Variants in CDH6 observed in about 807,000 individuals in gnomAD.
CDH6 encodes cadherin-6.
Under a neutral mutation model 78.0 loss-of-function variants are expected in CDH6, and 31 were observed. The ratio of observed to expected loss-of-function variants is 0.40; its 90% CI spans 0.30 to 0.54. The LOEUF is 0.54. Among genes scored for constraint, CDH6 ranks in the 20% least tolerant of loss-of-function variants. The pLI, the probability that CDH6 is intolerant of heterozygous loss-of-function variation, is 0.56. For synonymous variants in CDH6, 376 were observed against 368.8 expected (o/e 1.02, Z -0.23); for missense variants, 724 against 975.9 (o/e 0.74, Z 3.44).
At chr5:31,202,318 A>G (rs1740375147) in intron 1 of CDH6, among the ~76,000 whole-genome samples, 1 of 152,202 alleles carries the variant, frequency 6.6e-6, no homozygotes, top group South Asian at 2.1e-4. Flanking sequence ...AGAGAGTCTC[A>G]TTAATCTACT....
chr5:31,241,854 G>C (rs990359103), intron 1 of CDH6, among the ~76,000 whole-genome samples: 14 of 152,230 alleles, frequency 9.2e-5, no homozygotes, highest in African/African-American at 3.4e-4. Context: ...AAGGAAAAAG[G>C]AAATGTGTTT....
At chr5:31,305,513 T>A (rs1035408900) in intron 7 of CDH6, 86 bp downstream of exon 7, 74 of 1,360,936 alleles carry the variant, frequency 5.4e-5, no homozygotes, top group Admixed American at 1.3e-4. Context: ...AAAAGATGAA[T>A]CCCTTTTGTT....
intron 2 of CDH6, among the ~76,000 whole-genome samples, chr5:31,292,852 C>CATATATATATATATAT (rs140377309): frequency 5.2e-3 from 46 of 8,786 alleles, no homozygotes; most frequent in African/African-American, 8.0e-3. Context: ...TATATGTGTG[C>CATATATATATATATAT]ATATATATAT....
Position 31,280,589 on chromosome 5 carries a change from T to C in CDH6, c.228+12888T>C, listed in dbSNP as rs538056655. 3.3e-5 allele frequency among the ~76,000 whole-genome samples: 5 copies of C among 152,196 alleles called. No individual in the cohort carries two copies. In the South Asian group the frequency reaches 1.0e-3, roughly 32 times the overall value. On this transcript the variant is annotated intron_variant, in intron 2 of 11. Transcript: ENST00000265071. ...ATTAAGTTATTAAAGTAGCAGAGAG[T>C]ATTTCAGATACGGTGGGCAAATGAA...
intron 4 of CDH6, 37 bp from the exon 5 acceptor site, chr5:31,299,427 A>T: frequency 6.5e-7 from 1 of 1,530,254 alleles, no homozygotes; most frequent in Non-Finnish European, 9.0e-7. Context: ...AGTATTCTTA[A>T]TGCATCCCTT....
At chr5:31,279,525 A>G (rs1407601888) in intron 2 of CDH6, among the ~76,000 whole-genome samples, 1 of 152,154 alleles carries the variant, frequency 6.6e-6, no homozygotes, top group Non-Finnish European at 1.5e-5. Context: ...GAGCAAGATC[A>G]TGCCACTGCA....
At chr5:31,204,918 A>G (rs1740472273) in intron 1 of CDH6, among the ~76,000 whole-genome samples, 1 of 152,210 alleles carries the variant, frequency 6.6e-6, no homozygotes, top group African/African-American at 2.4e-5. Flanking sequence ...GTTTTACCTG[A>G]TTGACAAGTG....
rs1034920755 is a variant in CDH6, at chr5:31,326,220, T to C, written c.*2912T>C. 4.5e-6 allele frequency: 1 copy of C among 223,808 alleles called. No homozygotes were observed. The highest frequency in any genetic ancestry group is 8.9e-6 in the Non-Finnish European group (1 of 112,304). 13.9% of individuals were successfully genotyped at this position (223,808 alleles called of 1,614,324 possible). A position where few individuals can be genotyped will look rare whatever the true frequency, so the allele number is the denominator to read the frequency against. On this transcript the variant is annotated 3_prime_UTR_variant, in exon 12 of 12. Transcript: ENST00000265071. The stretch of plus-strand genomic sequence containing the variant: ...TAAAATTCATTAAGCATAACCAGAT[T>C]GCTTTTGTGGGTTGTTTCAAGGACA...
chr5:31,323,410 T>TG lies in CDH6; in HGVS notation c.*102_*103insG. ...CGTGAAGGCTTCTCTGTTCTACCCG[T>TG]TCCAAAAGCCAATGGCTGCAGTCCG... On this transcript the variant is annotated 3_prime_UTR_variant, in exon 12 of 12. Transcript: ENST00000265071. 1 of 1,353,018 alleles carries TG rather than the reference T, an allele frequency of 7.4e-7. No individual in the cohort carries two copies. The highest frequency in any genetic ancestry group is 1.4e-5 in the South Asian group (1 of 69,886). The allele number at this position is 1,353,018 out of a possible 1,614,324, so 83.8% of individuals were successfully genotyped here. A position where few individuals can be genotyped will look rare whatever the true frequency, so the allele number is the denominator to read the frequency against.
intron 2 of CDH6, among the ~76,000 whole-genome samples, chr5:31,272,364 G>A (rs982324143): frequency 2.0e-5 from 3 of 152,136 alleles, no homozygotes; most frequent in Non-Finnish European, 4.4e-5. Flanking sequence ...ATCCACTTGG[G>A]TTATCTTTGG....
At chr5:31,265,496 G>C (rs1198294262) in intron 1 of CDH6, among the ~76,000 whole-genome samples, 1 of 152,190 alleles carries the variant, frequency 6.6e-6, no homozygotes, top group Non-Finnish European at 1.5e-5. Flanking sequence ...AGAAGGCTTT[G>C]ACTAAGCCAT....
chr5:31,253,919 A>C (rs927862618), intron 1 of CDH6, among the ~76,000 whole-genome samples: 7 of 152,196 alleles, frequency 4.6e-5, no homozygotes, highest in African/African-American at 1.7e-4. Context: ...AGGTAAATAC[A>C]GTAATCCCTC....
intron 2 of CDH6, among the ~76,000 whole-genome samples, chr5:31,269,931 T>C (rs901104760): frequency 6.6e-6 from 1 of 152,198 alleles, no homozygotes. Flanking sequence ...AGTTGCCTCA[T>C]GGCTGTATCA....
At chr5:31,316,836 C>T (rs1738338653) in intron 9 of CDH6, among the ~76,000 whole-genome samples, 3 of 152,260 alleles carry the variant, frequency 2.0e-5, no homozygotes, top group Middle Eastern at 3.4e-3. Flanking sequence ...TGTTAAAGTA[C>T]ATGTGCAAGT....
At chr5:31,309,828 G>A (rs1436142410) in intron 7 of CDH6, among the ~76,000 whole-genome samples, 1 of 152,176 alleles carries the variant, frequency 6.6e-6, no homozygotes, top group Non-Finnish European at 1.5e-5. Flanking sequence ...CAGATCTCAT[G>A]AGAACTCACT....
intron 1 of CDH6, among the ~76,000 whole-genome samples, chr5:31,246,652 C>T (rs1422607163): frequency 6.6e-6 from 1 of 152,304 alleles, no homozygotes; most frequent in East Asian, 1.9e-4. Flanking sequence ...ATGATTTTGG[C>T]AATAAAACAA....
At chr5:31,317,060 G>A (rs1738345136) in intron 9 of CDH6, among the ~76,000 whole-genome samples, 1 of 152,102 alleles carries the variant, frequency 6.6e-6, no homozygotes, top group Admixed American at 6.6e-5. Context: ...CCTCCCTGGG[G>A]ATATTTACAG....
At chr5:31,270,111 C>T (rs1383266200) in intron 2 of CDH6, among the ~76,000 whole-genome samples, 1 of 152,170 alleles carries the variant, frequency 6.6e-6, no homozygotes, top group African/African-American at 2.4e-5. Flanking sequence ...AGTTGCCCCT[C>T]ATTTGTGGCC....
intron 1 of CDH6, among the ~76,000 whole-genome samples, chr5:31,221,734 T>A (rs555967584): frequency 8.5e-5 from 13 of 152,288 alleles, no homozygotes; most frequent in African/African-American, 3.1e-4. Context: ...TCAATGCAAA[T>A]GTCATGTAAG....
Sources: gnomAD v4.1 joint callset for allele counts (sites outside exome capture counted in the v4.1 genomes callset) on GRCh38, gnomAD v4.1.1 for gene constraint, MANE v1.5 for transcripts, NCBI Gene and HGNC (gene_info 2026-07-23, HGNC 2026-07-21) for gene names.